Variants in CNTNAP2 observed in about 807,000 individuals in gnomAD.
CNTNAP2 encodes contactin associated protein 2.
A neutral mutation model predicts 155.2 loss-of-function variants in CNTNAP2; 98 were observed. The ratio of observed to expected loss-of-function variants is 0.63; its 90% CI spans 0.54 to 0.75. CNTNAP2 has a LOEUF of 0.75. Among genes scored for constraint, CNTNAP2 ranks in the 30% least tolerant of loss-of-function variants. The probability of loss-of-function intolerance (pLI) is 0.00; values close to 1 mark genes in which losing one functional copy is unlikely to be tolerated. For missense variants in CNTNAP2, 1,727 were observed against 1,688.1 expected (o/e 1.02, Z -0.40); for synonymous variants, 651 against 631.2 (o/e 1.03, Z -0.47).
chr7:146,737,280 T>G (rs2129180467), intron 1 of CNTNAP2, among the ~76,000 whole-genome samples: 1 of 152,244 alleles, frequency 6.6e-6, no homozygotes, highest in South Asian at 2.1e-4. Context: ...ATCTTTTTTG[T>G]AGTGAGAAAA....
chr7:146,687,165 G>T (rs1259531857), intron 1 of CNTNAP2, among the ~76,000 whole-genome samples: 1 of 152,042 alleles, frequency 6.6e-6, no homozygotes, highest in Non-Finnish European at 1.5e-5. Context: ...CTCATGCCTA[G>T]CTCTCTAAAG....
chr7:146,238,156 G>T (rs765740434), intron 1 of CNTNAP2, among the ~76,000 whole-genome samples: 3 of 152,044 alleles, frequency 2.0e-5, no homozygotes, highest in Non-Finnish European at 4.4e-5. Flanking sequence ...CTTATAATAT[G>T]GTAAATGCAT....
At chr7:146,566,411 G>A (rs1029082146) in intron 1 of CNTNAP2, among the ~76,000 whole-genome samples, 13 of 152,050 alleles carry the variant, frequency 8.5e-5, no homozygotes, top group Admixed American at 7.9e-4. Flanking sequence ...TAGACTTTTA[G>A]TGGAAGCGCT....
chr7:146,815,809 T>C (rs773568216), intron 2 of CNTNAP2, among the ~76,000 whole-genome samples: 11 of 152,154 alleles, frequency 7.2e-5, no homozygotes, highest in Non-Finnish European at 1.5e-4. Context: ...GTGCACAACG[T>C]GCAGGTTTGT....
intron 8 of CNTNAP2, among the ~76,000 whole-genome samples, chr7:147,247,043 C>T (rs967258586): frequency 2.0e-5 from 3 of 152,008 alleles, no homozygotes; most frequent in African/African-American, 7.3e-5. Context: ...TACTTCAGTC[C>T]CTGTGGGGTT....
intron 8 of CNTNAP2, among the ~76,000 whole-genome samples, chr7:147,185,476 A>T (rs565653383): frequency 6.6e-6 from 1 of 152,154 alleles, no homozygotes; most frequent in South Asian, 2.1e-4. Flanking sequence ...AAACAACCAA[A>T]CTGTTTATAT....
intron 1 of CNTNAP2, among the ~76,000 whole-genome samples, chr7:146,710,636 A>C (rs1157912933): frequency 6.6e-6 from 1 of 152,028 alleles, no homozygotes; most frequent in Non-Finnish European, 1.5e-5. Flanking sequence ...CTTCCTCACC[A>C]CTAATGCACT....
chr7:148,158,747 A>C (rs1250826175), intron 17 of CNTNAP2, among the ~76,000 whole-genome samples: 1 of 152,196 alleles, frequency 6.6e-6, no homozygotes, highest in African/African-American at 2.4e-5. Context: ...TCCTCATGGC[A>C]ATTGGAATGG....
intron 14 of CNTNAP2, among the ~76,000 whole-genome samples, chr7:147,953,785 G>A (rs1800975941): frequency 6.6e-6 from 1 of 152,098 alleles, no homozygotes; most frequent in Non-Finnish European, 1.5e-5. Flanking sequence ...TGGTGTTCTT[G>A]GCTTGTAGAC....
intron 3 of CNTNAP2, among the ~76,000 whole-genome samples, chr7:146,976,111 T>G: frequency 6.6e-6 from 1 of 152,214 alleles, no homozygotes; most frequent in Non-Finnish European, 1.5e-5. Flanking sequence ...TGTTGGAGAT[T>G]TGTTAATTCA....
At chr7:146,925,605 G>C (rs1221737568) in intron 3 of CNTNAP2, among the ~76,000 whole-genome samples, 1 of 152,034 alleles carries the variant, frequency 6.6e-6, no homozygotes, top group East Asian at 1.9e-4. Context: ...GTTAAAGAAG[G>C]CGGGGATGCT....
At chr7:148,389,441 G>A (rs933806078) in intron 22 of CNTNAP2, among the ~76,000 whole-genome samples, 5 of 152,084 alleles carry the variant, frequency 3.3e-5, no homozygotes, top group East Asian at 1.9e-4. Context: ...GTGAGGCCTC[G>A]CCAGCCGTGT....
intron 11 of CNTNAP2, among the ~76,000 whole-genome samples, chr7:147,546,647 C>A (rs545900739): frequency 6.6e-6 from 1 of 152,080 alleles, no homozygotes; most frequent in Non-Finnish European, 1.5e-5. Flanking sequence ...TTGTGTGACC[C>A]CTTGGAGCTT....
At chr7:147,566,050 A>G (rs10273613) in intron 12 of CNTNAP2, among the ~76,000 whole-genome samples, 108,642 of 148,990 alleles carry the variant, frequency 0.73, 40,228 homozygotes, top group African/African-American at 0.85. Context: ...GGAGGCCAAG[A>G]CAGGTGGATC....
chr7:147,921,010 C>T (rs1422255403), intron 14 of CNTNAP2, among the ~76,000 whole-genome samples: 1 of 151,812 alleles, frequency 6.6e-6, no homozygotes, highest in South Asian at 2.1e-4. Flanking sequence ...GGGGTTTCAC[C>T]ATGTTAGCCA....
intron 13 of CNTNAP2, among the ~76,000 whole-genome samples, chr7:147,730,969 G>A (rs772592185): frequency 1.1e-4 from 17 of 152,076 alleles, no homozygotes; most frequent in Non-Finnish European, 2.2e-4. Flanking sequence ...GCCTATTCCA[G>A]AGCAAGGCCC....
chr7:146,285,978 CTGTGTGTGTGTGTGTG>C (rs540809295), intron 1 of CNTNAP2, among the ~76,000 whole-genome samples: 4 of 33,700 alleles, frequency 1.2e-4, no homozygotes, highest in East Asian at 7.5e-4. Context: ...CCTTCCTTCT[CTGTGTGTGTGTGTGTG>C]TGTGTGTGTG....
intron 9 of CNTNAP2, among the ~76,000 whole-genome samples, chr7:147,313,244 T>A (rs370081504): frequency 2.0e-5 from 3 of 152,162 alleles, no homozygotes; most frequent in African/African-American, 7.2e-5. Context: ...TTTCTTTTGC[T>A]GTGCAGAAGC....
At chr7:148,273,332 T>G (rs11765018) in intron 21 of CNTNAP2, among the ~76,000 whole-genome samples, 1 of 151,476 alleles carries the variant, frequency 6.6e-6, no homozygotes, top group Admixed American at 6.6e-5. Context: ...GGGGATAACA[T>G]TTAGGGTTCC....
Sources: gnomAD v4.1 joint callset for allele counts (sites outside exome capture counted in the v4.1 genomes callset) on GRCh38, gnomAD v4.1.1 for gene constraint, MANE v1.5 for transcripts, NCBI Gene and HGNC (gene_info 2026-07-23, HGNC 2026-07-21) for gene names.